HS6ST3: variants seen among roughly 807,000 people sequenced by gnomAD.
HS6ST3 encodes the protein heparan-sulfate 6-O-sulfotransferase 3.
In HS6ST3, 12 loss-of-function variants were observed where a neutral mutation model predicts 36.7. The ratio of observed to expected loss-of-function variants is 0.33; its 90% CI spans 0.21 to 0.53. HS6ST3 has a LOEUF of 0.53. Among genes scored for constraint, HS6ST3 ranks in the 20% least tolerant of loss-of-function variants. HS6ST3 has a pLI of 0.95. For synonymous variants in HS6ST3, 240 were observed against 257.5 expected (o/e 0.93, Z 0.65); for missense variants, 584 against 640.9 (o/e 0.91, Z 0.96).
chr13:96,103,893 T>G (rs680576), intron 1 of HS6ST3, among the ~76,000 whole-genome samples: 126,515 of 151,522 alleles, frequency 0.83, 53,067 homozygotes, highest in East Asian at 0.91. Context: ...AGTCTTTCGC[T>G]TAGACCATCA....
chr13:96,175,021 GA>G (rs1214576744), intron 1 of HS6ST3, among the ~76,000 whole-genome samples: 1 of 152,124 alleles, frequency 6.6e-6, no homozygotes, highest in Non-Finnish European at 1.5e-5. Flanking sequence ...TTTATTAAGT[GA>G]AATGTATTCT....
At chr13:96,419,931 A>G (rs1256825446) in intron 1 of HS6ST3, among the ~76,000 whole-genome samples, 1 of 152,196 alleles carries the variant, frequency 6.6e-6, no homozygotes, top group Admixed American at 6.5e-5. Flanking sequence ...TTTCCAAATA[A>G]GGCCATATTC....
intron 1 of HS6ST3, among the ~76,000 whole-genome samples, chr13:96,098,996 T>C (rs2053805178): frequency 1.3e-5 from 2 of 152,168 alleles, no homozygotes; most frequent in Admixed American, 6.5e-5. Flanking sequence ...CAAACTGGAG[T>C]GCAGTGGCAC....
chr13:96,183,468 T>C (rs1048698581), intron 1 of HS6ST3, among the ~76,000 whole-genome samples: 1 of 152,146 alleles, frequency 6.6e-6, no homozygotes, highest in Non-Finnish European at 1.5e-5. Context: ...TTATAAATTA[T>C]CCCCCACCCC....
At chr13:96,407,660 G>A (rs2139460457) in intron 1 of HS6ST3, among the ~76,000 whole-genome samples, 1 of 152,226 alleles carries the variant, frequency 6.6e-6, no homozygotes. Context: ...TGGGTGCTGT[G>A]GGACATGTAA....
chr13:96,589,619 G>T (rs1792511501), intron 1 of HS6ST3, among the ~76,000 whole-genome samples: 2 of 151,874 alleles, frequency 1.3e-5, no homozygotes, highest in African/African-American at 4.8e-5. Context: ...TGCAGCCTTA[G>T]ATTATTTTAG....
chr13:96,489,702 G>T (rs1322205022), intron 1 of HS6ST3, among the ~76,000 whole-genome samples: 1 of 152,066 alleles, frequency 6.6e-6, no homozygotes, highest in Admixed American at 6.6e-5. Context: ...TTTCCTAAGT[G>T]CCAGGCACTG....
At chr13:96,725,789 A>G (rs980298587) in intron 1 of HS6ST3, among the ~76,000 whole-genome samples, 1 of 151,374 alleles carries the variant, frequency 6.6e-6, no homozygotes, top group African/African-American at 2.4e-5. Context: ...CAAACACCTC[A>G]TTGTCTTGTC....
chr13:96,451,492 C>T (rs1360319815), intron 1 of HS6ST3, among the ~76,000 whole-genome samples: 5 of 152,144 alleles, frequency 3.3e-5, no homozygotes, highest in African/African-American at 1.2e-4. Flanking sequence ...TGCTGCACTT[C>T]AGGATTTTAG....
intron 1 of HS6ST3, among the ~76,000 whole-genome samples, chr13:96,766,085 A>T (rs1176020718): frequency 6.6e-6 from 1 of 152,220 alleles, no homozygotes; most frequent in African/African-American, 2.4e-5. Context: ...GTTGTAAGAA[A>T]AAAAGCATAA....
At chr13:96,250,122 G>A (rs1927804) in intron 1 of HS6ST3, among the ~76,000 whole-genome samples, 80,689 of 152,004 alleles carry the variant, frequency 0.53, 21,942 homozygotes, top group Admixed American at 0.65. Context: ...CGCAATAAAT[G>A]ATTTAAAAAT....
chr13:96,745,014 T>C (rs1876530006), intron 1 of HS6ST3, among the ~76,000 whole-genome samples: 1 of 152,072 alleles, frequency 6.6e-6, no homozygotes, highest in African/African-American at 2.4e-5. Flanking sequence ...CAATTCCATG[T>C]TGAACAACTA....
rs1876684331 is a variant in HS6ST3, at chr13:96,750,877, A to G, written c.708-81613A>G. 3.3e-5 allele frequency among the ~76,000 whole-genome samples: 5 copies of G among 152,238 alleles called. No homozygotes were observed. In the South Asian group the frequency reaches 8.3e-4, roughly 25 times the overall value. ...ATAGCATTTTAGTTTCAACATGAAA[A>G]GAGCTTAATTTTTTGCTTATAAAAA... On this transcript the variant is annotated intron_variant, in intron 1 of 1. Coordinates refer to ENST00000376705, the MANE Select transcript of HS6ST3 (RefSeq NM_153456.4).
intron 1 of HS6ST3, among the ~76,000 whole-genome samples, chr13:96,756,250 T>G (rs1462006164): frequency 1.3e-5 from 2 of 152,220 alleles, no homozygotes; most frequent in Non-Finnish European, 2.9e-5. Context: ...GTTTATATAT[T>G]CTGCATACAA....
chr13:96,350,916 T>C (rs2055178585), intron 1 of HS6ST3, among the ~76,000 whole-genome samples: 1 of 152,212 alleles, frequency 6.6e-6, no homozygotes, highest in Admixed American at 6.5e-5. Context: ...TTGAAAATTG[T>C]TTCTTAACTT....
intron 1 of HS6ST3, among the ~76,000 whole-genome samples, chr13:96,131,202 A>G (rs2053973890): frequency 6.6e-6 from 1 of 152,200 alleles, no homozygotes; most frequent in Admixed American, 6.5e-5. Context: ...CTTTGAGCTG[A>G]ACTCAAAACA....
intron 1 of HS6ST3, among the ~76,000 whole-genome samples, chr13:96,334,025 G>A (rs1047828217): frequency 6.6e-6 from 1 of 152,148 alleles, no homozygotes; most frequent in African/African-American, 2.4e-5. Flanking sequence ...GGCCTGTAGG[G>A]TGGGTACACT....
chr13:96,576,943 C>CAA (rs1157924077), intron 1 of HS6ST3, among the ~76,000 whole-genome samples: 838 of 26,826 alleles, frequency 0.031, 101 homozygotes, highest in Middle Eastern at 0.071. Context: ...GACTCTGTCT[C>CAA]AAAAAAAAAA....
chr13:96,450,107 T>C (rs2055720352), intron 1 of HS6ST3, among the ~76,000 whole-genome samples: 1 of 152,214 alleles, frequency 6.6e-6, no homozygotes, highest in African/African-American at 2.4e-5. Flanking sequence ...ATGTGGAACT[T>C]GCCCTTCTGA....
Sources: allele counts gnomAD v4.1 joint callset (sites outside exome capture counted in the v4.1 genomes callset), GRCh38; gene constraint gnomAD v4.1.1; transcripts MANE v1.5; gene names NCBI Gene and HGNC (gene_info 2026-07-23, HGNC 2026-07-21).